The following TMEM248 variants were observed in gnomAD, a reference collection of about 807,000 sequenced individuals.
TMEM248 encodes the protein transmembrane protein 248, also known as UPF0458 protein C7orf42.
Under a neutral mutation model 30.3 loss-of-function variants are expected in TMEM248, and 9 were observed. That is an observed-to-expected ratio of 0.30 (90% CI 0.18 to 0.52). The LOEUF (loss-of-function observed/expected upper bound fraction) is 0.52. Among genes scored for constraint, TMEM248 ranks in the 20% least tolerant of loss-of-function variants. TMEM248 has a pLI of 0.97. For missense variants in TMEM248, 338 were observed against 403.3 expected (o/e 0.84, Z 1.39); for synonymous variants, 184 against 154.4 (o/e 1.19, Z -1.42).
rs1031870525 is a variant in TMEM248, at chr7:66,955,364, G to T, written c.925-138G>T. ...TTTCTAGTAATTTCTTCCTAGGTGA[G>T]ATTTTCTTTTTAGGGATTTAGTAAC... is the stretch of plus-strand genomic sequence containing the variant. On this transcript the variant is annotated intron_variant, in intron 6 of 6. Coordinates refer to ENST00000341567, the MANE Select transcript of TMEM248 (RefSeq NM_017994.5). 3.0e-6 allele frequency: 3 copies of T among 1,007,434 alleles called. No individual in the cohort carries two copies. In the African/African-American group the frequency reaches 4.9e-5, roughly 16 times the overall value. 62.4% of individuals were successfully genotyped at this position (1,007,434 alleles called of 1,614,324 possible).
chr7:66,942,130 G>T lies in TMEM248; in HGVS notation c.159+106G>T, dbSNP rs1791980095. ...CTTGGGTTTTGGCCTTTCTCTCCTAGTGAGAAAAATCAGTATTTATTCAGA... is the reference window on the plus strand; with the variant it reads ...CTTGGGTTTTGGCCTTTCTCTCCTATTGAGAAAAATCAGTATTTATTCAGA... On this transcript the variant is annotated intron_variant, in intron 2 of 6. Transcript: ENST00000341567. 3 of 1,237,992 alleles carry T rather than the reference G, an allele frequency of 2.4e-6. No homozygotes were observed. The East Asian group carries it at 7.1e-5, about 29-fold the overall frequency. 76.7% of individuals were successfully genotyped at this position (1,237,992 alleles called of 1,614,324 possible). A position where few individuals can be genotyped will look rare whatever the true frequency, so the allele number is the denominator to read the frequency against.
intron 1 of TMEM248, among the ~76,000 whole-genome samples, chr7:66,939,306 C>T (rs1441918060): frequency 1.3e-5 from 2 of 152,164 alleles, no homozygotes; most frequent in Non-Finnish European, 2.9e-5. Flanking sequence ...GTGGGTGAAA[C>T]AGTAACAGGA....
At chr7:66,947,040 C>G (rs1378178750) in intron 3 of TMEM248, among the ~76,000 whole-genome samples, 3 of 151,954 alleles carry the variant, frequency 2.0e-5, no homozygotes, top group African/African-American at 7.3e-5. Context: ...TAGCAAACAC[C>G]TGTCTTTATG....
Position 66,953,334 on chromosome 7 carries a change from T to G in TMEM248, c.889T>G (p.Leu297Val), listed in dbSNP as rs985447758. The G allele has an allele frequency of 3.1e-6, 5 of 1,614,170 alleles. No individual in the cohort carries two copies. Among genetic ancestry groups the G allele is most frequent in the Non-Finnish European group, 4.2e-6 (5 of 1,180,026 alleles). Reference protein sequence around the residue: ...YAVIKGRPSKLRQSNPEFCPE... With the variant: ...YAVIKGRPSKVRQSNPEFCPE... ...TGTTATCAAGGGCAGACCTAGCAAA[T>G]TGCGTCAGAGCAATCCTGAATTTTG... The change falls in exon 6 of 7, where the codon TTG becomes GTG. Residue 297 changes from leucine (L) to valine (V), a missense_variant. By Grantham distance (32) the Leu-to-Val change is conservative (BLOSUM62 1). Coordinates refer to ENST00000341567, the MANE Select transcript of TMEM248 (RefSeq NM_017994.5).
At chr7:66,951,436 T>C in intron 5 of TMEM248, 1 of 254,524 alleles carries the variant, frequency 3.9e-6, no homozygotes, top group South Asian at 1.3e-4. Context: ...TCTATTAATA[T>C]TATCTTAGAG....
chr7:66,940,431 T>G (rs1489109087), intron 1 of TMEM248, among the ~76,000 whole-genome samples: 1 of 152,116 alleles, frequency 6.6e-6, no homozygotes, highest in African/African-American at 2.4e-5. Context: ...ATTATTCAAA[T>G]AAGGAAGCTA....
At chr7:66,942,139 A>G in intron 2 of TMEM248, 115 bp downstream of exon 2, 1 of 1,132,598 alleles carries the variant, frequency 8.8e-7, no homozygotes, top group Non-Finnish European at 1.3e-6. Context: ...AGTGAGAAAA[A>G]TCAGTATTTA....
At chr7:66,944,480 G>A (rs911459052) in intron 2 of TMEM248, among the ~76,000 whole-genome samples, 2 of 152,160 alleles carry the variant, frequency 1.3e-5, no homozygotes, top group African/African-American at 2.4e-5. Context: ...TCCCAAATGA[G>A]TATTAGTATT....
At chr7:66,952,945 G>C (rs1792306843) in intron 5 of TMEM248, among the ~76,000 whole-genome samples, 1 of 152,164 alleles carries the variant, frequency 6.6e-6, no homozygotes, top group African/African-American at 2.4e-5. Context: ...CCTGCTGGAG[G>C]GGCAGGGTTC....
In TMEM248 at chr7:66,953,749, C is replaced by T. The variant is rs907339119; in HGVS notation, c.924+380C>T. 3.3e-5 allele frequency among the ~76,000 whole-genome samples: 5 copies of T among 151,630 alleles called. No homozygotes were observed. The East Asian group carries it at 5.8e-4, about 18-fold the overall frequency. On this transcript the variant is annotated intron_variant, in intron 6 of 6. Transcript: ENST00000341567. The stretch of plus-strand genomic sequence containing the variant: ...CCTCCCGAGGAGCTGGGATTACAGT[C>T]GCAAGCCACCGCGTCCCACTAAGTT...
chr7:66,944,314 A>G (rs1792040201), intron 2 of TMEM248, among the ~76,000 whole-genome samples: 1 of 151,622 alleles, frequency 6.6e-6, no homozygotes, highest in African/African-American at 2.4e-5. Flanking sequence ...CATGTTGCTC[A>G]GGCTGGTCTC....
intron 1 of TMEM248, among the ~76,000 whole-genome samples, chr7:66,934,670 T>C (rs1447905004): frequency 6.6e-6 from 1 of 152,204 alleles, no homozygotes; most frequent in South Asian, 2.1e-4. Context: ...TTGAAGTGAA[T>C]TCTAATTCAG....
intron 1 of TMEM248, among the ~76,000 whole-genome samples, chr7:66,925,021 TAA>T (rs760686776): frequency 5.3e-5 from 8 of 151,924 alleles, no homozygotes; most frequent in Non-Finnish European, 8.8e-5. Flanking sequence ...ATTTTTTAAT[TAA>T]AAAAAATAAT....
In TMEM248 at chr7:66,953,506, GA is replaced by G. The variant is rs927895173; in HGVS notation, c.924+138del. On this transcript the variant is annotated intron_variant, in intron 6 of 6. Coordinates refer to ENST00000341567, the MANE Select transcript of TMEM248 (RefSeq NM_017994.5). ...TGACAGTCATCCCTTGGTATCCGAG[GA>G]GGATTGGTTCCAGGACCCTGGTGGA... The G allele has an allele frequency of 1.2e-4, 149 of 1,237,080 alleles. 2 individuals carry two copies. The Middle Eastern group carries it at 2.1e-3, about 18-fold the overall frequency. The allele number at this position is 1,237,080 out of a possible 1,614,324, so 76.6% of individuals were successfully genotyped here. A position where few individuals can be genotyped will look rare whatever the true frequency, so the allele number is the denominator to read the frequency against.
chr7:66,948,117 C>T (rs574057719), intron 3 of TMEM248, among the ~76,000 whole-genome samples: 4 of 152,274 alleles, frequency 2.6e-5, no homozygotes, highest in Admixed American at 2.0e-4. Flanking sequence ...AACCCTCTGA[C>T]CTCTGTTTGT....
chr7:66,954,939 A>AT (rs1468954147), intron 6 of TMEM248, among the ~76,000 whole-genome samples: 4 of 152,176 alleles, frequency 2.6e-5, no homozygotes, highest in Admixed American at 2.0e-4. Context: ...TTCCATCAGC[A>AT]TAAGAAGTCT....
intron 1 of TMEM248, among the ~76,000 whole-genome samples, chr7:66,940,359 T>G (rs1791915691): frequency 6.6e-6 from 1 of 152,150 alleles, no homozygotes; most frequent in Admixed American, 6.6e-5. Flanking sequence ...GCAGGAAGCA[T>G]TAAATACTTA....
chr7:66,929,291 A>G (rs1791606006), intron 1 of TMEM248, among the ~76,000 whole-genome samples: 2 of 152,118 alleles, frequency 1.3e-5, no homozygotes, highest in Admixed American at 6.6e-5. Flanking sequence ...AATAGGTGCA[A>G]AACTCTTAGA....
At chr7:66,948,943 G>A (rs1408787426) in intron 4 of TMEM248, among the ~76,000 whole-genome samples, 2 of 152,158 alleles carry the variant, frequency 1.3e-5, no homozygotes, top group African/African-American at 4.8e-5. Flanking sequence ...AAAAGCACCT[G>A]GCTGTTGTTG....
Sources: gnomAD v4.1 joint callset for allele counts (sites outside exome capture counted in the v4.1 genomes callset) on GRCh38, gnomAD v4.1.1 for gene constraint, MANE v1.5 for transcripts, NCBI Gene and HGNC (gene_info 2026-07-23, HGNC 2026-07-21) for gene names.